Variants in SLC24A3 observed in about 807,000 individuals in gnomAD.
SLC24A3 encodes solute carrier family 24 member 3, also known as sodium/potassium/calcium exchanger 3.
SLC24A3 carries 28 observed loss-of-function variants against 75.8 expected under a neutral mutation model. The observed-to-expected ratio is 0.37, with a 90% CI of 0.27 to 0.51. SLC24A3 has a LOEUF of 0.51. Among genes scored for constraint, SLC24A3 ranks in the 20% least tolerant of loss-of-function variants. SLC24A3 has a pLI of 0.94. For synonymous variants in SLC24A3, 372 were observed against 334.1 expected, an observed-to-expected ratio of 1.11 and a Z score of -1.24; for missense variants, 663 against 847.8, an observed-to-expected ratio of 0.78 and a Z score of 2.71.
chr20:19,494,037 T>C (rs1988244633), intron 2 of SLC24A3, among the ~76,000 whole-genome samples: 1 of 152,320 alleles, frequency 6.6e-6, no homozygotes, highest in South Asian at 2.1e-4. Context: ...CCCCAGGGCC[T>C]GGGGTGCATA....
At chr20:19,225,528 A>T (rs1568562112) in intron 1 of SLC24A3, among the ~76,000 whole-genome samples, 1 of 152,010 alleles carries the variant, frequency 6.6e-6, no homozygotes, top group Non-Finnish European at 1.5e-5. Context: ...AAAATAAAAA[A>T]CCCCTAAACT....
chr20:19,542,550 C>T (rs1484115200), intron 3 of SLC24A3, among the ~76,000 whole-genome samples: 1 of 152,186 alleles, frequency 6.6e-6, no homozygotes, highest in Non-Finnish European at 1.5e-5. Flanking sequence ...GAATCTGCGT[C>T]TGGGGGCTGA....
intron 7 of SLC24A3, among the ~76,000 whole-genome samples, chr20:19,663,441 T>TCCTC (rs1568689611): frequency 3.5e-4 from 3 of 8,524 alleles, no homozygotes; most frequent in African/African-American, 1.3e-3. Context: ...CTCCGCCTTC[T>TCCTC]CATCCTCCTC....
intron 7 of SLC24A3, among the ~76,000 whole-genome samples, chr20:19,662,618 G>T (rs943688092): frequency 1.3e-5 from 2 of 152,248 alleles, no homozygotes; most frequent in Non-Finnish European, 2.9e-5. Flanking sequence ...GGTGCAACTT[G>T]TTCTAGTCTA....
intron 3 of SLC24A3, among the ~76,000 whole-genome samples, chr20:19,527,767 G>A (rs2030225304): frequency 2.0e-5 from 3 of 152,168 alleles, no homozygotes; most frequent in Admixed American, 6.5e-5. Context: ...CAAAGACATA[G>A]CATCTAAACA....
chr20:19,354,914 C>T (rs1310094028), intron 2 of SLC24A3, among the ~76,000 whole-genome samples: 1 of 152,106 alleles, frequency 6.6e-6, no homozygotes, highest in African/African-American at 2.4e-5. Context: ...TAAGTCACTT[C>T]TCCTCCTTTG....
chr20:19,467,677 T>A (rs1362190110), intron 2 of SLC24A3, among the ~76,000 whole-genome samples: 1 of 151,862 alleles, frequency 6.6e-6, no homozygotes, highest in Non-Finnish European at 1.5e-5. Flanking sequence ...GGTCAGGAAG[T>A]CGAGACCAGC....
At chr20:19,532,673 C>A (rs1327316849) in intron 3 of SLC24A3, among the ~76,000 whole-genome samples, 2 of 152,252 alleles carry the variant, frequency 1.3e-5, no homozygotes, top group Non-Finnish European at 2.9e-5. Context: ...AGCTGAAAGA[C>A]TCTGCCCATG....
intron 2 of SLC24A3, among the ~76,000 whole-genome samples, chr20:19,332,269 C>G (rs1054486456): frequency 6.6e-6 from 1 of 152,080 alleles, no homozygotes; most frequent in African/African-American, 2.4e-5. Context: ...TGAGCAGGAA[C>G]AGAAGCCAGT....
In SLC24A3 at chr20:19,237,532, G is replaced by T. The variant is rs150477249; in HGVS notation, c.142+24548G>T. 3.8e-3 allele frequency among the ~76,000 whole-genome samples: 572 copies of T among 152,290 alleles called. 1 individual carries two copies. The highest frequency in any genetic ancestry group is 6.8e-3 in the Middle Eastern group (2 of 294). The stretch of plus-strand genomic sequence containing the variant: ...AGCTTGCAGAACATCCACCCAGCTT[G>T]CAGAACAGCTTGGGTCCAGTCTCTC... On this transcript the variant is annotated intron_variant, in intron 1 of 16. Transcript: ENST00000328041.
chr20:19,601,649 A>C (rs1669656528), intron 6 of SLC24A3, among the ~76,000 whole-genome samples: 1 of 152,100 alleles, frequency 6.6e-6, no homozygotes, highest in Non-Finnish European at 1.5e-5. Context: ...TGATTCATGC[A>C]AGGGCTCCTG....
chr20:19,590,998 G>C (rs1203600263), intron 6 of SLC24A3, among the ~76,000 whole-genome samples: 1 of 152,150 alleles, frequency 6.6e-6, no homozygotes, highest in Non-Finnish European at 1.5e-5. Context: ...GCTGTCTCTT[G>C]CACTGTCCCC....
At chr20:19,271,864 C>T (rs932649979) in intron 1 of SLC24A3, among the ~76,000 whole-genome samples, 5 of 152,204 alleles carry the variant, frequency 3.3e-5, no homozygotes, top group South Asian at 2.1e-4. Flanking sequence ...AAAGACTACA[C>T]ATTGAGTATA....
intron 6 of SLC24A3, among the ~76,000 whole-genome samples, chr20:19,590,478 G>A (rs2031360217): frequency 6.6e-6 from 1 of 152,180 alleles, no homozygotes; most frequent in African/African-American, 2.4e-5. Context: ...CCATAGTGCT[G>A]CCAAACCTAA....
chr20:19,497,048 C>T (rs930537089), intron 2 of SLC24A3, among the ~76,000 whole-genome samples: 3 of 152,142 alleles, frequency 2.0e-5, no homozygotes, highest in African/African-American at 7.2e-5. Flanking sequence ...GCCATTTACC[C>T]CATGGGGTAC....
chr20:19,485,088 G>T (rs953065149), intron 2 of SLC24A3, among the ~76,000 whole-genome samples: 6 of 152,098 alleles, frequency 3.9e-5, no homozygotes, highest in Non-Finnish European at 8.8e-5. Context: ...TGTGAAATTG[G>T]TATAAGCCCT....
chr20:19,549,115 G>C (rs546001693), intron 3 of SLC24A3, among the ~76,000 whole-genome samples: 7 of 152,332 alleles, frequency 4.6e-5, no homozygotes, highest in Admixed American at 4.6e-4. Flanking sequence ...CCAAGCCTGA[G>C]AGTGGTACCT....
chr20:19,533,933 G>T (rs1284288973), intron 3 of SLC24A3, among the ~76,000 whole-genome samples: 2 of 152,234 alleles, frequency 1.3e-5, no homozygotes, highest in Admixed American at 1.3e-4. Context: ...TTTGGCCTTA[G>T]CCCTGTCCTG....
chr20:19,587,297 G>A (rs188781449), intron 6 of SLC24A3, among the ~76,000 whole-genome samples: 1 of 152,310 alleles, frequency 6.6e-6, no homozygotes, highest in East Asian at 1.9e-4. Context: ...TTATGAAATG[G>A]CTTGGATGCA....
Sources: gnomAD v4.1 joint callset for allele counts (sites outside exome capture counted in the v4.1 genomes callset) on GRCh38, gnomAD v4.1.1 for gene constraint, MANE v1.5 for transcripts, NCBI Gene and HGNC (gene_info 2026-07-23, HGNC 2026-07-21) for gene names.